The following NOL4 variants were observed in gnomAD, a reference collection of about 807,000 sequenced individuals.
NOL4 encodes the protein cancer/testis antigen 125.
Under a neutral mutation model 75.9 loss-of-function variants are expected in NOL4, and 17 were observed. That is an observed-to-expected ratio of 0.22 (90% CI 0.15 to 0.34). The LOEUF is 0.34. Among genes scored for constraint, NOL4 ranks in the 10% least tolerant of loss-of-function variants. The pLI, the probability that NOL4 is intolerant of heterozygous loss-of-function variation, is 1.00. For synonymous variants in NOL4, 292 were observed against 289.9 expected (o/e 1.01, Z -0.07); for missense variants, 614 against 793.5 (o/e 0.77, Z 2.72).
intron 8 of NOL4, among the ~76,000 whole-genome samples, chr18:33,954,810 T>C (rs2069524494): frequency 6.6e-6 from 1 of 152,174 alleles, no homozygotes; most frequent in Non-Finnish European, 1.5e-5. Context: ...CCAAGGTGTA[T>C]TCATGCTAAT....
At chr18:34,057,481 A>G (rs1600425292) in intron 5 of NOL4, among the ~76,000 whole-genome samples, 1 of 152,286 alleles carries the variant, frequency 6.6e-6, no homozygotes, top group East Asian at 1.9e-4. Flanking sequence ...TCTCAATCAA[A>G]TCTGTTTTCT....
At chr18:33,905,596 C>T (rs1461412674) in intron 9 of NOL4, among the ~76,000 whole-genome samples, 2 of 152,150 alleles carry the variant, frequency 1.3e-5, no homozygotes, top group East Asian at 3.9e-4. Context: ...ATTGCCACTT[C>T]CACTAACCTA....
intron 5 of NOL4, among the ~76,000 whole-genome samples, chr18:34,059,502 C>T (rs1350767470): frequency 6.6e-6 from 1 of 152,220 alleles, no homozygotes; most frequent in African/African-American, 2.4e-5. Context: ...CACCTGAATG[C>T]ACCCAGATTG....
At chr18:34,114,705 G>A (rs1187115499) in intron 2 of NOL4, among the ~76,000 whole-genome samples, 2 of 152,102 alleles carry the variant, frequency 1.3e-5, no homozygotes, top group East Asian at 1.9e-4. Context: ...GTTGACTGCT[G>A]TAAAGAGATG....
At chr18:34,157,394 A>G (rs1292635756) in intron 1 of NOL4, among the ~76,000 whole-genome samples, 1 of 152,164 alleles carries the variant, frequency 6.6e-6, no homozygotes. Context: ...AGAAAATACA[A>G]TAAGAAAATC....
intron 5 of NOL4, among the ~76,000 whole-genome samples, chr18:34,073,798 T>C (rs954892281): frequency 5.9e-5 from 9 of 151,988 alleles, no homozygotes; most frequent in African/African-American, 2.2e-4. Flanking sequence ...ACTAGGCATT[T>C]GTTTCTTCCA....
intron 1 of NOL4, among the ~76,000 whole-genome samples, chr18:34,177,379 TA>T (rs2033645369): frequency 1.3e-5 from 2 of 151,932 alleles, no homozygotes; most frequent in South Asian, 4.1e-4. Context: ...TGTGCATTCA[TA>T]TGTCAAAATG....
chr18:33,884,578 AT>A (rs758929335), intron 9 of NOL4, among the ~76,000 whole-genome samples: 2 of 151,926 alleles, frequency 1.3e-5, no homozygotes, highest in Admixed American at 6.6e-5. Flanking sequence ...ATATATACAT[AT>A]ATGAATTCAC....
chr18:34,079,779 T>A (rs1422801002), intron 5 of NOL4, among the ~76,000 whole-genome samples: 1 of 152,148 alleles, frequency 6.6e-6, no homozygotes, highest in Non-Finnish European at 1.5e-5. Context: ...GACTTTTAGG[T>A]TTTTGCTCCT....
intron 9 of NOL4, among the ~76,000 whole-genome samples, chr18:33,909,189 T>C (rs541804121): frequency 6.6e-6 from 1 of 152,264 alleles, no homozygotes; most frequent in East Asian, 1.9e-4. Context: ...TTCCTTAAGA[T>C]ATTGAAATAT....
chr18:34,126,070 G>A (rs559491563), intron 2 of NOL4, among the ~76,000 whole-genome samples: 1 of 152,166 alleles, frequency 6.6e-6, no homozygotes, highest in East Asian at 1.9e-4. Context: ...TTGTAACTAG[G>A]GTAAATGATA....
At chr18:33,917,774 G>T (rs976814441) in intron 9 of NOL4, among the ~76,000 whole-genome samples, 5 of 152,026 alleles carry the variant, frequency 3.3e-5, no homozygotes, top group African/African-American at 1.2e-4. Context: ...AAGGTGCCAG[G>T]ATTATAGGTG....
At chr18:33,996,879 A>G (rs1255469199) in intron 6 of NOL4, among the ~76,000 whole-genome samples, 1 of 148,836 alleles carries the variant, frequency 6.7e-6, no homozygotes, top group East Asian at 1.9e-4. Flanking sequence ...ATACAGGTAC[A>G]TATGTCTTTT....
chr18:34,043,441 A>T (rs555201218), intron 5 of NOL4, among the ~76,000 whole-genome samples: 2 of 152,012 alleles, frequency 1.3e-5, no homozygotes, highest in Non-Finnish European at 2.9e-5. Flanking sequence ...TTTTACAGAG[A>T]TCAAAGTTAT....
chr18:34,150,210 T>C (rs921679239), intron 1 of NOL4, among the ~76,000 whole-genome samples: 6 of 151,752 alleles, frequency 4.0e-5, no homozygotes, highest in Non-Finnish European at 8.9e-5. Flanking sequence ...CTAAGCCTAT[T>C]ACATGAAGAA....
chr18:34,126,085 T>C (rs1012355119), intron 2 of NOL4, among the ~76,000 whole-genome samples: 7 of 152,172 alleles, frequency 4.6e-5, no homozygotes, highest in Non-Finnish European at 7.4e-5. Context: ...ATGATAGAGC[T>C]ATGCTAATTT....
chr18:33,968,415 A>C (rs1267148313), intron 6 of NOL4, among the ~76,000 whole-genome samples: 2 of 152,192 alleles, frequency 1.3e-5, no homozygotes, highest in East Asian at 3.8e-4. Context: ...GATAAAGAAA[A>C]CATGGTACAT....
chr18:34,187,681 C>T (rs939117042), intron 1 of NOL4, among the ~76,000 whole-genome samples: 1 of 152,098 alleles, frequency 6.6e-6, no homozygotes, highest in Non-Finnish European at 1.5e-5. Flanking sequence ...CCACCGCGCC[C>T]GGCCAGTCCA....
chr18:33,856,127 C>T (rs1307491638), intron 10 of NOL4, among the ~76,000 whole-genome samples: 1 of 151,936 alleles, frequency 6.6e-6, no homozygotes, highest in African/African-American at 2.4e-5. Flanking sequence ...TGTGTTGGTG[C>T]CTGGCACAAA....
Sources: allele counts gnomAD v4.1 joint callset (sites outside exome capture counted in the v4.1 genomes callset), GRCh38; gene constraint gnomAD v4.1.1; transcripts MANE v1.5; gene names NCBI Gene and HGNC (gene_info 2026-07-23, HGNC 2026-07-21).